ZNF346: variants seen among roughly 807,000 people sequenced by gnomAD.
ZNF346 encodes the protein double-stranded RNA-binding zinc finger protein JAZ.
ZNF346 carries 23 observed loss-of-function variants against 33.7 expected under a neutral mutation model. The ratio of observed to expected loss-of-function variants is 0.68; its 90% CI spans 0.49 to 0.97. The LOEUF is 0.97. ZNF346 is among the 50% of genes least tolerant of loss of function. The pLI is 0.00. For missense variants in ZNF346, 340 were observed against 371.1 expected (o/e 0.92, Z 0.69); for synonymous variants, 134 against 142.4 (o/e 0.94, Z 0.42).
At chr5:177,070,913 G>A (rs937310611), downstream of ZNF346, among the ~76,000 whole-genome samples, 2 of 152,188 alleles carry the variant, frequency 1.3e-5, no homozygotes, top group African/African-American at 2.4e-5. Context: ...CACTACTGAG[G>A]TGTCACACCT....
Position 177,041,785 on chromosome 5 carries a change from A to C in ZNF346, c.287A>C (p.Lys96Thr). The C allele has an allele frequency of 6.2e-7, 1 of 1,612,804 alleles. No individual in the cohort carries two copies. The change falls in exon 3 of 7, where the codon AAA (lysine) becomes ACA (threonine). Residue 96 changes from lysine (K) to threonine (T), a missense_variant. Physicochemically the swap from Lys to Thr is moderately conservative, Grantham distance 78. Transcript: ENST00000358149. ...TCTCCTGGGTTTTTGCAGAGCAAAA[A>C]ACATGCCAACAAAGTGAAGAGATAC... Reference protein sequence around the residue: ...SQKLAHYQSKKHANKVKRYLA... With the variant: ...SQKLAHYQSKTHANKVKRYLA...
In ZNF346 at chr5:177,064,251, C is replaced by T. The variant is rs550607367; in HGVS notation, c.798-261C>T. On this transcript the variant is annotated intron_variant, in intron 6 of 6. Coordinates refer to ENST00000358149, the MANE Select transcript of ZNF346 (RefSeq NM_012279.4). ...GAACCTACCACCTAAAAACATACTT[C>T]GGGCCAGCCACTTAAGCTTTCTGAA... Among the ~76,000 whole-genome samples the T allele has an allele frequency of 4.6e-5, 7 of 152,350 alleles. No individual in the cohort carries two copies. The South Asian group carries it at 6.2e-4, about 14-fold the overall frequency.
At chr5:177,023,312 C>A in intron 1 of ZNF346, 1 of 1,029,376 alleles carries the variant, frequency 9.7e-7, no homozygotes, top group Non-Finnish European at 1.5e-6. Context: ...TAGGGCCTCT[C>A]GCCTCCCTTC....
Position 177,050,755 on chromosome 5 carries a change from G to T in ZNF346, c.522G>T (p.Leu174Phe), listed in dbSNP as rs1017814658. The change falls in exon 5 of 7, where the codon TTG becomes TTT. Residue 174 changes from leucine to phenylalanine, a missense_variant. By Grantham distance (22) the Leu-to-Phe change is conservative. Coordinates refer to ENST00000358149, the MANE Select transcript of ZNF346 (RefSeq NM_012279.4). ...LKQQSTKVEALHQNREMIDPD... is the reference protein window; with the variant it reads ...LKQQSTKVEAFHQNREMIDPD... ...TCCTTGTGGCCTCCACCTTAGCCTT[G>T]CACCAGAATAGAGAGATGATAGACC... 6.2e-7 allele frequency: 1 copy of T among 1,614,164 alleles called. No homozygotes were observed. The highest frequency in any genetic ancestry group is 8.5e-7 in the Non-Finnish European group (1 of 1,180,032).
chr5:177,041,944 C>A (rs12514710), intron 3 of ZNF346, 74 bp downstream of exon 3: 2 of 962,696 alleles, frequency 2.1e-6, no homozygotes, highest in Non-Finnish European at 3.3e-6. Context: ...GTGAACAAGT[C>A]AGACTGTCTT....
chr5:177,055,217 A>G (rs1251322859), intron 5 of ZNF346, among the ~76,000 whole-genome samples: 2 of 151,888 alleles, frequency 1.3e-5, no homozygotes, highest in African/African-American at 4.8e-5. Context: ...TGTTTTTAGT[A>G]GAGACGGAGT....
At chr5:177,058,864 T>G (rs1043720046) in intron 5 of ZNF346, among the ~76,000 whole-genome samples, 1 of 152,194 alleles carries the variant, frequency 6.6e-6, no homozygotes, top group Non-Finnish European at 1.5e-5. Flanking sequence ...AGGTAATGAC[T>G]TCAGCTGACA....
intron 1 of ZNF346, among the ~76,000 whole-genome samples, chr5:177,029,950 A>G (rs1247184024): frequency 6.6e-6 from 1 of 152,204 alleles, no homozygotes; most frequent in East Asian, 1.9e-4. Context: ...CTCCAGGTAG[A>G]TAGTGTCAGA....
chr5:177,080,593 C>T (rs1475983213), exon 9 of ZNF346: 1 of 152,262 alleles, frequency 6.6e-6, no homozygotes, highest in African/African-American at 2.4e-5. Context: ...CAGCAGATCT[C>T]CTGTGGCCAG....
intron 1 of ZNF346, among the ~76,000 whole-genome samples, chr5:177,034,203 CTT>C (rs34082036): frequency 1.4e-5 from 2 of 142,838 alleles, no homozygotes. Flanking sequence ...TCCTTTCTTT[CTT>C]TTTTTTTTTT....
At position 177,064,527 on chromosome 5, in the gene ZNF346, G is replaced by A. The variant is rs1170428950; in HGVS notation, c.813G>A (p.Val271=). 6.2e-7 allele frequency: 1 copy of A among 1,614,038 alleles called. No homozygotes were observed. Among genetic ancestry groups the A allele is most frequent in the East Asian group, 2.2e-5 (1 of 44,898 alleles). The change falls in exon 7 of 7, where the codon GTG becomes GTA. Residue 271 remains valine (V), a synonymous_variant. Transcript: ENST00000358149. ...TCAAATACAGGTCACCAAAAACAGT[G>A]GCATCATCCCTGGGCCAGATTCCAA... ...FKHKNQSPKT[V]ASSLGQIPMQ...
intron 4 of ZNF346, among the ~76,000 whole-genome samples, chr5:177,048,360 G>A (rs528694375): frequency 3.1e-4 from 47 of 152,266 alleles, no homozygotes; most frequent in Non-Finnish European, 6.2e-4. Flanking sequence ...GGGTGCTCAC[G>A]CCTGTAATTC....
At position 177,062,917 on chromosome 5, in the gene ZNF346, C is replaced by T. The variant is rs536890114; in HGVS notation, c.797+766C>T. On this transcript the variant is annotated intron_variant, in intron 6 of 6. Coordinates refer to ENST00000358149, the MANE Select transcript of ZNF346 (RefSeq NM_012279.4). ...AAACTGAAGCCTGTCTGGCTCACAG[C>T]ATGCTCTTCCCAAGGCGTCAGGCTC... 5.8e-4 allele frequency among the ~76,000 whole-genome samples: 88 copies of T among 152,326 alleles called. 1 individual carries two copies. The highest frequency in any genetic ancestry group is 2.0e-3 in the African/African-American group (83 of 41,566).
Position 177,067,926 on chromosome 5 carries a change from G to A in ZNF346, c.*3327G>A, listed in dbSNP as rs1783312480. 6.6e-6 allele frequency among the ~76,000 whole-genome samples: 1 copy of A among 152,038 alleles called. No individual in the cohort carries two copies. The highest frequency in any genetic ancestry group is 2.4e-5 in the African/African-American group (1 of 41,386). On this transcript the variant is annotated 3_prime_UTR_variant, in exon 7 of 7. Coordinates refer to ENST00000358149, the MANE Select transcript of ZNF346 (RefSeq NM_012279.4). ...TTAAGACCATCCTGGCCAACGTGGT[G>A]AAATCCCATCTCTACAAAAAATAAA...
At chr5:177,060,142 G>A (rs970750087) in intron 5 of ZNF346, among the ~76,000 whole-genome samples, 30 of 152,188 alleles carry the variant, frequency 2.0e-4, no homozygotes, top group African/African-American at 1.7e-4. Context: ...CTTTACGGGC[G>A]GATCATCCTG....
chr5:177,028,707 C>CTTTTTTTT (rs56172509), intron 1 of ZNF346, among the ~76,000 whole-genome samples: 2 of 67,398 alleles, frequency 3.0e-5, no homozygotes, highest in Non-Finnish European at 5.9e-5. Flanking sequence ...AAGCCCCTTT[C>CTTTTTTTT]TTTTTTTTTT....
rs1430270057 is a variant in ZNF346, at chr5:177,064,870, C to T, written c.*271C>T. 4.4e-6 allele frequency: 2 copies of T among 450,160 alleles called. No individual in the cohort carries two copies. The highest frequency in any genetic ancestry group is 8.0e-6 in the Non-Finnish European group (2 of 248,450). 27.9% of individuals were successfully genotyped at this position (450,160 alleles called of 1,614,324 possible). On this transcript the variant is annotated 3_prime_UTR_variant, in exon 7 of 7. Transcript: ENST00000358149. ...TGGTAGTTTGGAGGGTGGCTTTCCC[C>T]ATTTCCCAACCCCTCTGGGCCTTAG...
At chr5:177,037,817 C>T (rs1396814683) in intron 1 of ZNF346, among the ~76,000 whole-genome samples, 1 of 152,186 alleles carries the variant, frequency 6.6e-6, no homozygotes, top group Non-Finnish European at 1.5e-5. Flanking sequence ...CCTCTCATTA[C>T]ACTAACAATA....
Position 177,022,734 on chromosome 5 carries a change from G to T in ZNF346, c.-5G>T, listed in dbSNP as rs978967690. On this transcript the variant is annotated 5_prime_UTR_variant, in exon 1 of 7. Coordinates refer to ENST00000358149, the MANE Select transcript of ZNF346 (RefSeq NM_012279.4). ...GCTCTCTACCGGTGAGGGTTTGCGG[G>T]GAAGATGGAGTATCCCGCGCCGGCC... The T allele has an allele frequency of 1.4e-5, 22 of 1,548,886 alleles. No individual in the cohort carries two copies. Among genetic ancestry groups the T allele is most frequent in the Non-Finnish European group, 1.8e-5 (21 of 1,152,110 alleles).
Sources: gnomAD v4.1 joint callset for allele counts (sites outside exome capture counted in the v4.1 genomes callset) on GRCh38, gnomAD v4.1.1 for gene constraint, MANE v1.5 for transcripts, NCBI Gene and HGNC (gene_info 2026-07-23, HGNC 2026-07-21) for gene names.